The following CD82 variants were observed in gnomAD, a reference collection of about 807,000 sequenced individuals.
CD82 encodes CD82 molecule.
Under a neutral mutation model 37.4 loss-of-function variants are expected in CD82, and 36 were observed. That is an observed-to-expected ratio of 0.96 (90% CI 0.74 to 1.27). The LOEUF (loss-of-function observed/expected upper bound fraction) is 1.27. Ranked by LOEUF, CD82 falls within the 50% of genes most tolerant of loss-of-function variation. The pLI is 0.00. For synonymous variants in CD82, 158 were observed against 137.4 expected, an observed-to-expected ratio of 1.15 and a Z score of -1.05; for missense variants, 340 against 347.0, an observed-to-expected ratio of 0.98 and a Z score of 0.16.
At chr11:44,607,652 T>G (rs1853417942) in intron 6 of CD82, among the ~76,000 whole-genome samples, 1 of 152,156 alleles carries the variant, frequency 6.6e-6, no homozygotes, top group Non-Finnish European at 1.5e-5. Flanking sequence ...TGAGCTGCAA[T>G]ACATGTTCAA....
intron 1 of CD82, among the ~76,000 whole-genome samples, chr11:44,568,931 C>A (rs1172047788): frequency 6.6e-6 from 1 of 152,216 alleles, no homozygotes; most frequent in Non-Finnish European, 1.5e-5. Flanking sequence ...TTGACCTTGG[C>A]CTTGGCCTTC....
At chr11:44,617,682 C>A (rs922962557) in intron 7 of CD82, among the ~76,000 whole-genome samples, 3 of 152,136 alleles carry the variant, frequency 2.0e-5, no homozygotes, top group Non-Finnish European at 4.4e-5. Context: ...AGTTGAACGG[C>A]CTTTCCTAAG....
chr11:44,619,020 T>C, intron 9 of CD82, 29 bp from the exon 10 acceptor site: 1 of 1,602,636 alleles, frequency 6.2e-7, no homozygotes, highest in South Asian at 1.1e-5. Context: ...ACACCCAGCC[T>C]CCCTCTGACT....
chr11:44,608,091 A>T (rs1378960690), intron 6 of CD82: 1 of 152,236 alleles, frequency 6.6e-6, no homozygotes, highest in Non-Finnish European at 1.5e-5. Context: ...TATCGCCCGA[A>T]TTGGAATGAA....
At chr11:44,567,256 G>A (rs1228488998) in intron 1 of CD82, among the ~76,000 whole-genome samples, 1 of 152,218 alleles carries the variant, frequency 6.6e-6, no homozygotes, top group African/African-American at 2.4e-5. Flanking sequence ...GACACTGAAG[G>A]ACGCTGAAGG....
upstream of CD82, among the ~76,000 whole-genome samples, chr11:44,565,202 G>GA (rs1211860886): frequency 1.4e-4 from 21 of 152,362 alleles, no homozygotes; most frequent in Admixed American, 1.3e-3. Flanking sequence ...AGCCCAGGCT[G>GA]GTGCGGGGAG....
At chr11:44,608,314 C>T (rs1853429239) in intron 6 of CD82, among the ~76,000 whole-genome samples, 1 of 152,230 alleles carries the variant, frequency 6.6e-6, no homozygotes, top group Admixed American at 6.5e-5. Context: ...TCTGTCCTTC[C>T]TGCCTCTGTC....
In CD82 at chr11:44,619,143, A is replaced by T; in HGVS notation, c.*17A>T. The T allele has an allele frequency of 1.2e-6, 2 of 1,605,260 alleles. No individual in the cohort carries two copies. Among genetic ancestry groups the T allele is most frequent in the Non-Finnish European group, 1.7e-6 (2 of 1,172,460 alleles). On this transcript the variant is annotated 3_prime_UTR_variant, in exon 10 of 10. Transcript: ENST00000227155. ...AAGTACTGAGGCAGCTGCTATCCCC[A>T]TCTCCCTGCCTGGCCCCCAACCTCA...
intron 1 of CD82, among the ~76,000 whole-genome samples, chr11:44,577,120 G>A (rs1852904409): frequency 6.6e-6 from 1 of 152,158 alleles, no homozygotes; most frequent in South Asian, 2.1e-4. Context: ...GCAAGATAGG[G>A]TAGTCCAGGC....
Position 44,619,459 on chromosome 11 carries a change from T to G in CD82, c.*333T>G. 4.4e-6 allele frequency: 1 copy of G among 228,058 alleles called. No individual in the cohort carries two copies. Among genetic ancestry groups the G allele is most frequent in the Non-Finnish European group, 8.7e-6 (1 of 115,484 alleles). The allele number at this position is 228,058 out of a possible 1,614,324, so 14.1% of individuals were successfully genotyped here. On this transcript the variant is annotated 3_prime_UTR_variant, in exon 10 of 10. Transcript: ENST00000227155. ...TGTGTATATTGTATAGGGGCAACTG[T>G]ATGAAAAATTGGGGAGGAGGGGGCC...
In CD82 at chr11:44,618,650, A is replaced by G. The variant is rs146220817; in HGVS notation, c.653A>G (p.Glu218Gly). ...ATTCTGCCCTTGCAGGGCTGCATGG[A>G]GAAGGTGCAGGCGTGGCTGCAGGAG... ...DWPVYQEGCM[E>G]KVQAWLQENL... Residue 218 changes from glutamate to glycine, a missense_variant, in exon 9 of 10, where the codon GAG becomes GGG. Coordinates refer to ENST00000227155, the MANE Select transcript of CD82 (RefSeq NM_002231.4). The G allele has an allele frequency of 1.2e-5, 20 of 1,611,672 alleles. No individual in the cohort carries two copies. The Admixed American group carries it at 3.2e-4, about 26-fold the overall frequency.
intron 1 of CD82, among the ~76,000 whole-genome samples, chr11:44,578,877 C>T (rs1852938865): frequency 6.6e-6 from 1 of 152,208 alleles, no homozygotes; most frequent in African/African-American, 2.4e-5. Flanking sequence ...TGATTGATCA[C>T]AGCCTAGAGC....
chr11:44,581,214 G>A (rs1484548028), intron 1 of CD82, among the ~76,000 whole-genome samples: 2 of 152,188 alleles, frequency 1.3e-5, no homozygotes, highest in African/African-American at 2.4e-5. Context: ...TGTTTCTGCA[G>A]GCAGCATGGT....
At position 44,608,941 on chromosome 11, in the gene CD82, G is replaced by A. The variant is rs1039979872; in HGVS notation, c.336+3512G>A. Among the ~76,000 whole-genome samples, 10 of 152,356 alleles carry A rather than the reference G, an allele frequency of 6.6e-5. No individual in the cohort carries two copies. The East Asian group carries it at 7.7e-4, about 12-fold the overall frequency. On this transcript the variant is annotated intron_variant, in intron 6 of 9. Coordinates refer to ENST00000227155, the MANE Select transcript of CD82 (RefSeq NM_002231.4). ...GAAGGGCGTCGTGCGGCACTCAGCC[G>A]GAGGCTGATGTTGCTGGCATCATTG...
intron 1 of CD82, among the ~76,000 whole-genome samples, chr11:44,579,913 C>A (rs900196219): frequency 1.3e-5 from 2 of 152,188 alleles, no homozygotes; most frequent in African/African-American, 4.8e-5. Flanking sequence ...GCCTCAGACA[C>A]TCTGGGTATT....
chr11:44,570,387 G>A (rs975900934), intron 1 of CD82, among the ~76,000 whole-genome samples: 3 of 152,220 alleles, frequency 2.0e-5, no homozygotes, highest in Admixed American at 6.5e-5. Flanking sequence ...TGTATGATGT[G>A]TTTCCATGAG....
intron 7 of CD82, among the ~76,000 whole-genome samples, chr11:44,615,742 A>T (rs952992327): frequency 1.3e-5 from 2 of 152,180 alleles, no homozygotes; most frequent in Non-Finnish European, 2.9e-5. Flanking sequence ...GCCTCTGGGG[A>T]AGGGCACTAG....
At chr11:44,609,081 T>G (rs1853442719) in intron 6 of CD82, among the ~76,000 whole-genome samples, 1 of 152,204 alleles carries the variant, frequency 6.6e-6, no homozygotes, top group African/African-American at 2.4e-5. Flanking sequence ...GCTGCGGGAA[T>G]GGGGATCTGG....
intron 1 of CD82, among the ~76,000 whole-genome samples, chr11:44,584,405 G>T (rs187853846): frequency 2.0e-5 from 3 of 152,146 alleles, no homozygotes; most frequent in Non-Finnish European, 4.4e-5. Context: ...TCCTGCCTTA[G>T]CCTCCTGGGT....
Sources: gnomAD v4.1 joint callset for allele counts (sites outside exome capture counted in the v4.1 genomes callset) on GRCh38, gnomAD v4.1.1 for gene constraint, MANE v1.5 for transcripts, NCBI Gene and HGNC (gene_info 2026-07-23, HGNC 2026-07-21) for gene names.